The following C2orf76 variants were observed in gnomAD, a reference collection of about 807,000 sequenced individuals.
The protein encoded by C2orf76 is UPF0538 protein C2orf76.
A neutral mutation model predicts 16.9 loss-of-function variants in C2orf76; 23 were observed. The observed-to-expected ratio is 1.36, with a 90% CI of 0.98 to 1.93. The LOEUF (loss-of-function observed/expected upper bound fraction) is 1.93. Among genes scored for constraint, C2orf76 ranks in the 30% most tolerant of loss-of-function variants. The probability of loss-of-function intolerance (pLI) is 0.00; values close to 1 mark genes in which losing one functional copy is unlikely to be tolerated. For synonymous variants in C2orf76, 48 were observed against 52.3 expected, an observed-to-expected ratio of 0.92 and a Z score of 0.35; for missense variants, 152 against 152.6, an observed-to-expected ratio of 1.00 and a Z score of 0.02.
chr2:119,343,475 TACACACACACACACACAC>T (rs59651595), intron 1 of C2orf76, among the ~76,000 whole-genome samples: 2 of 145,964 alleles, frequency 1.4e-5, no homozygotes, highest in East Asian at 2.1e-4. Flanking sequence ...CACCTATACC[TACACACACACACACACAC>T]ACACACACAC....
chr2:119,315,768 T>C (rs1679148669), intron 4 of C2orf76, among the ~76,000 whole-genome samples: 1 of 152,212 alleles, frequency 6.6e-6, no homozygotes, highest in Non-Finnish European at 1.5e-5. Context: ...AACAAATACA[T>C]TGTTCAACTG....
intron 2 of C2orf76, among the ~76,000 whole-genome samples, chr2:119,327,761 G>A (rs529175804): frequency 1.5e-4 from 23 of 152,214 alleles, no homozygotes; most frequent in African/African-American, 2.4e-4. Context: ...TTACAGAACC[G>A]AGAGTCAAAT....
Position 119,324,791 on chromosome 2 carries a change from C to G in C2orf76, c.134-3587G>C, listed in dbSNP as rs574497649. 2.6e-5 allele frequency among the ~76,000 whole-genome samples: 4 copies of G among 152,176 alleles called. No individual in the cohort carries two copies. The South Asian group carries it at 8.3e-4, about 32-fold the overall frequency. On this transcript the variant is annotated intron_variant, in intron 2 of 5. Coordinates refer to ENST00000334816, the MANE Select transcript of C2orf76 (RefSeq NM_001322331.2). ...GTTACCTTCCACAGTGGCAGAAAGA[C>G]AGATTAGACATTAGACACACTCCAG...
intron 1 of C2orf76, among the ~76,000 whole-genome samples, chr2:119,363,629 G>A (rs1680824956): frequency 6.6e-6 from 1 of 152,194 alleles, no homozygotes; most frequent in Non-Finnish European, 1.5e-5. Context: ...ATTTTCTGGT[G>A]ATTAGGTTAC....
At chr2:119,300,718 A>G (rs1678607294), downstream of C2orf76, among the ~76,000 whole-genome samples, 1 of 152,238 alleles carries the variant, frequency 6.6e-6, no homozygotes, top group Non-Finnish European at 1.5e-5. Context: ...ATTAGCCTAG[A>G]GTTGGGCAAA....
chr2:119,365,256 C>T (rs1680899729), intron 1 of C2orf76, among the ~76,000 whole-genome samples: 1 of 152,186 alleles, frequency 6.6e-6, no homozygotes, highest in Non-Finnish European at 1.5e-5. Context: ...ATCTGAGTTT[C>T]CATCAAGGAA....
At chr2:119,341,744 G>C (rs1680038073) in intron 1 of C2orf76, among the ~76,000 whole-genome samples, 1 of 152,080 alleles carries the variant, frequency 6.6e-6, no homozygotes, top group Non-Finnish European at 1.5e-5. Flanking sequence ...AAAAATACCT[G>C]TAATACTGAT....
intron 2 of C2orf76, among the ~76,000 whole-genome samples, chr2:119,324,638 C>T (rs1005276021): frequency 6.6e-6 from 1 of 152,156 alleles, no homozygotes; most frequent in African/African-American, 2.4e-5. Context: ...TTAATGCCTA[C>T]AGTTGCCAGT....
intron 4 of C2orf76, among the ~76,000 whole-genome samples, chr2:119,314,014 G>GTTTTTTT (rs368623211): frequency 0.02 from 1,751 of 86,056 alleles, 87 homozygotes; most frequent in South Asian, 0.029. Context: ...TTTCTCAGTG[G>GTTTTTTT]TTTTTTTTTT....
chr2:119,336,928 G>A (rs1429838532), intron 2 of C2orf76, among the ~76,000 whole-genome samples: 1 of 152,126 alleles, frequency 6.6e-6, no homozygotes, highest in Non-Finnish European at 1.5e-5. Flanking sequence ...CAGTAGAGAA[G>A]AATAAAGAAG....
At chr2:119,289,890 C>A in the C2orf76 span, among the ~76,000 whole-genome samples, 2 of 151,984 alleles carry the variant, frequency 1.3e-5, no homozygotes, top group Non-Finnish European at 2.9e-5. Flanking sequence ...ACCACAGAGG[C>A]ACCGCTCTGC....
At chr2:119,361,472 T>TA (rs975274174) in intron 1 of C2orf76, among the ~76,000 whole-genome samples, 3 of 152,028 alleles carry the variant, frequency 2.0e-5, no homozygotes, top group Admixed American at 1.3e-4. Context: ...AAGAAAACGA[T>TA]AAAAAAATAC....
chr2:119,345,971 C>T (rs1216692515), intron 1 of C2orf76, among the ~76,000 whole-genome samples: 3 of 142,990 alleles, frequency 2.1e-5, no homozygotes, highest in South Asian at 4.5e-4. Context: ...AGGAGAATGG[C>T]GTGAACCTGG....
intron 1 of C2orf76, among the ~76,000 whole-genome samples, chr2:119,348,282 GT>G (rs1680270474): frequency 6.6e-6 from 1 of 152,186 alleles, no homozygotes; most frequent in Non-Finnish European, 1.5e-5. Context: ...TAAAGAAATG[GT>G]TAAGTAAATT....
chr2:119,293,819 G>A, the C2orf76 span, among the ~76,000 whole-genome samples: 13 of 152,174 alleles, frequency 8.5e-5, no homozygotes, highest in Non-Finnish European at 1.5e-4. Context: ...TAAACAAATG[G>A]AGGACTGGAG....
chr2:119,312,180 G>A (rs930927923), intron 4 of C2orf76, among the ~76,000 whole-genome samples: 5 of 152,158 alleles, frequency 3.3e-5, no homozygotes, highest in African/African-American at 1.2e-4. Flanking sequence ...ATCCTCACCT[G>A]GTCAGCGACA....
chr2:119,362,917 C>T (rs1036428669), intron 1 of C2orf76, among the ~76,000 whole-genome samples: 5 of 152,140 alleles, frequency 3.3e-5, no homozygotes, highest in African/African-American at 7.2e-5. Context: ...CCTCTGAAGA[C>T]GAACACCCAA....
rs138890113 is a variant in C2orf76, at chr2:119,316,726, G to A, written c.222+740C>T. Among the ~76,000 whole-genome samples the A allele has an allele frequency of 2.6e-5, 4 of 152,262 alleles. No individual in the cohort carries two copies. In the East Asian group the frequency reaches 5.8e-4, roughly 22 times the overall value. ...GGCACTGTGCTAGGTATTGGGATAT[G>A]ACAAATAATATCTTATTCTTGAGTA... is the stretch of plus-strand genomic sequence containing the variant. On this transcript the variant is annotated intron_variant, in intron 4 of 5. Transcript: ENST00000334816.
At chr2:119,358,325 C>T (rs905602789) in intron 1 of C2orf76, among the ~76,000 whole-genome samples, 6 of 98,880 alleles carry the variant, frequency 6.1e-5, no homozygotes, top group South Asian at 6.1e-4. Context: ...GCCTGTAATC[C>T]CATCATTTTG....
Sources: allele counts gnomAD v4.1 joint callset (sites outside exome capture counted in the v4.1 genomes callset), GRCh38; gene constraint gnomAD v4.1.1; transcripts MANE v1.5; gene names NCBI Gene and HGNC (gene_info 2026-07-23, HGNC 2026-07-21).